The following TAFA2 variants were observed in gnomAD, a reference collection of about 807,000 sequenced individuals.
The protein encoded by TAFA2 is TAFA chemokine like family member 2, also known as chemokine-like protein TAFA-2.
Under a neutral mutation model 18.8 loss-of-function variants are expected in TAFA2, and 7 were observed. The ratio of observed to expected loss-of-function variants is 0.37; its 90% confidence interval spans 0.21 to 0.70. TAFA2 has a LOEUF of 0.70. TAFA2 is among the 30% of genes least tolerant of loss of function. The probability of loss-of-function intolerance (pLI) is 0.53; values close to 1 mark genes in which losing one functional copy is unlikely to be tolerated. For missense variants in TAFA2, 122 were observed against 158.1 expected (o/e 0.77, Z 1.23); for synonymous variants, 60 against 54.2 (o/e 1.11, Z -0.47).
At chr12:61,916,418 G>A (rs1876823233) in intron 1 of TAFA2, among the ~76,000 whole-genome samples, 1 of 152,178 alleles carries the variant, frequency 6.6e-6, no homozygotes, top group Non-Finnish European at 1.5e-5. Context: ...AGCATGTATA[G>A]TACTTGGTAC....
At chr12:61,942,050 C>G (rs1239261080) in intron 1 of TAFA2, among the ~76,000 whole-genome samples, 2 of 151,568 alleles carry the variant, frequency 1.3e-5, no homozygotes, top group African/African-American at 4.9e-5. Context: ...CTTAAATGTC[C>G]CTGTCTGAAA....
intron 1 of TAFA2, among the ~76,000 whole-genome samples, chr12:61,904,518 T>C (rs1034532830): frequency 9.9e-5 from 15 of 152,124 alleles, no homozygotes; most frequent in Non-Finnish European, 2.1e-4. Context: ...TAAAGTAAGA[T>C]TTGGTCTTTG....
intron 1 of TAFA2, among the ~76,000 whole-genome samples, chr12:62,067,393 C>T (rs1211393618): frequency 6.6e-6 from 1 of 151,992 alleles, no homozygotes; most frequent in Non-Finnish European, 1.5e-5. Flanking sequence ...TTTGTCCAGT[C>T]CCATGTCCTG....
chr12:62,149,844 C>T (rs1184996447), intron 1 of TAFA2, among the ~76,000 whole-genome samples: 1 of 152,028 alleles, frequency 6.6e-6, no homozygotes, highest in East Asian at 1.9e-4. Flanking sequence ...GAGGTTGATA[C>T]AAGGAACTGC....
At chr12:61,876,771 A>G (rs186773924) in intron 1 of TAFA2, among the ~76,000 whole-genome samples, 31 of 152,318 alleles carry the variant, frequency 2.0e-4, no homozygotes, top group Non-Finnish European at 4.0e-4. Context: ...AAAGAAGCCA[A>G]AAGAAAAGAG....
intron 1 of TAFA2, among the ~76,000 whole-genome samples, chr12:62,123,041 T>A (rs532270986): frequency 5.3e-5 from 8 of 152,212 alleles, no homozygotes. Context: ...ATATTTCTCC[T>A]CTGAACACCT....
chr12:62,181,994 C>A (rs906090865), intron 1 of TAFA2, among the ~76,000 whole-genome samples: 2 of 149,312 alleles, frequency 1.3e-5, no homozygotes, highest in Admixed American at 6.7e-5. Flanking sequence ...AGTCCATCCC[C>A]CCCCCGCTAC....
intron 1 of TAFA2, among the ~76,000 whole-genome samples, chr12:62,237,760 C>G (rs2062844817): frequency 6.6e-6 from 1 of 152,114 alleles, no homozygotes; most frequent in South Asian, 2.1e-4. Context: ...TTAGATGGTG[C>G]ATTAAGCCCC....
chr12:61,793,698 C>A (rs907856509), intron 2 of TAFA2, among the ~76,000 whole-genome samples: 2 of 151,656 alleles, frequency 1.3e-5, no homozygotes, highest in South Asian at 2.1e-4. Context: ...TCTATGAAAA[C>A]CCTTTCAAAA....
In TAFA2 at chr12:61,818,490, TACACAC is replaced by T. The variant is rs3034071; in HGVS notation, c.106+48824_106+48829del. On this transcript the variant is annotated intron_variant, in intron 2 of 4. Coordinates refer to ENST00000416284, the MANE Select transcript of TAFA2 (RefSeq NM_178539.5). ...AGATCGAGACCCTGTCTCAAAAAAA[TACACAC>T]ACACACACACACACACACACACACA... 8.8e-3 allele frequency among the ~76,000 whole-genome samples: 1,241 copies of T among 140,784 alleles called. 20 individuals are homozygous for T. The highest frequency in any genetic ancestry group is 0.029 in the African/African-American group (1,130 of 38,880). The allele number at this position is 140,784 out of a possible 152,430, so 92.4% of individuals were successfully genotyped here. A position where few individuals can be genotyped will look rare whatever the true frequency, so the allele number is the denominator to read the frequency against.
At chr12:62,043,257 T>C (rs542575458) in intron 1 of TAFA2, among the ~76,000 whole-genome samples, 4 of 152,222 alleles carry the variant, frequency 2.6e-5, no homozygotes, top group Admixed American at 2.0e-4. Context: ...ATGTGGCACA[T>C]ATACACCATG....
At chr12:62,238,330 A>G (rs1251104539) in intron 1 of TAFA2, among the ~76,000 whole-genome samples, 1 of 152,130 alleles carries the variant, frequency 6.6e-6, no homozygotes, top group Admixed American at 6.5e-5. Context: ...TTGGCACCAG[A>G]TATTTGTTTT....
intron 2 of TAFA2, among the ~76,000 whole-genome samples, chr12:61,846,593 C>T (rs1345397810): frequency 1.3e-5 from 2 of 152,016 alleles, no homozygotes; most frequent in Non-Finnish European, 2.9e-5. Flanking sequence ...AAACCTTTAC[C>T]ATTTTTAAAT....
chr12:61,795,258 C>G (rs1232507181), intron 2 of TAFA2, among the ~76,000 whole-genome samples: 1 of 152,146 alleles, frequency 6.6e-6, no homozygotes. Flanking sequence ...ATAAATCATG[C>G]TGCTATAAAG....
intron 1 of TAFA2, among the ~76,000 whole-genome samples, chr12:62,081,061 G>A (rs920448013): frequency 1.3e-5 from 2 of 152,174 alleles, no homozygotes; most frequent in East Asian, 1.9e-4. Context: ...CGGGCGTAGT[G>A]GGGGGCGCCT....
At chr12:61,842,981 C>T (rs1005323610) in intron 2 of TAFA2, among the ~76,000 whole-genome samples, 1 of 151,946 alleles carries the variant, frequency 6.6e-6, no homozygotes, top group South Asian at 2.1e-4. Context: ...CATGGAGACA[C>T]AAAGCTGGCC....
chr12:62,222,500 T>TTA (rs1565782629), intron 1 of TAFA2, among the ~76,000 whole-genome samples: 1 of 151,212 alleles, frequency 6.6e-6, no homozygotes, highest in Non-Finnish European at 1.5e-5. Context: ...AAGGATATTA[T>TTA]TTATTATTAT....
intron 1 of TAFA2, among the ~76,000 whole-genome samples, chr12:62,018,060 A>G (rs1338775347): frequency 6.6e-6 from 1 of 152,174 alleles, no homozygotes; most frequent in Non-Finnish European, 1.5e-5. Context: ...GGGAGAATGC[A>G]GGGAATTTCC....
chr12:61,809,505 A>G (rs1164977350), intron 2 of TAFA2, among the ~76,000 whole-genome samples: 1 of 151,326 alleles, frequency 6.6e-6, no homozygotes, highest in Non-Finnish European at 1.5e-5. Flanking sequence ...ACCAAGTCTT[A>G]GGGCATTTGT....
Sources: allele counts gnomAD v4.1 joint callset (sites outside exome capture counted in the v4.1 genomes callset), GRCh38; gene constraint gnomAD v4.1.1; transcripts MANE v1.5; gene names NCBI Gene and HGNC (gene_info 2026-07-23, HGNC 2026-07-21).